Variants in CRYBG3 observed in about 807,000 individuals in gnomAD.
The protein encoded by CRYBG3 is very large A-kinase anchor protein.
Under a neutral mutation model 244.2 loss-of-function variants are expected in CRYBG3, and 127 were observed. That is an observed-to-expected ratio of 0.52 (90% CI 0.45 to 0.60). CRYBG3 has a LOEUF of 0.60. CRYBG3 is among the 20% of genes least tolerant of loss of function. The probability of loss-of-function intolerance (pLI) is 0.00; values close to 1 mark genes in which losing one functional copy is unlikely to be tolerated. For missense variants in CRYBG3, 3,325 were observed against 3,442.5 expected, an observed-to-expected ratio of 0.97 and a Z score of 0.85; for synonymous variants, 1,132 against 1,195.8, an observed-to-expected ratio of 0.95 and a Z score of 1.10.
intron 19 of CRYBG3, among the ~76,000 whole-genome samples, chr3:97,937,885 G>A (rs1451548140): frequency 2.0e-5 from 3 of 152,060 alleles, no homozygotes; most frequent in Admixed American, 2.0e-4. Context: ...TATTATTAAA[G>A]CTTACATTTT....
chr3:97,824,119 A>G lies in CRYBG3; in HGVS notation c.149+1764A>G, dbSNP rs561863902. 7.1e-4 allele frequency among the ~76,000 whole-genome samples: 108 copies of G among 152,328 alleles called. 1 individual carries two copies. Among genetic ancestry groups the G allele is most frequent in the African/African-American group, 2.5e-3 (105 of 41,576 alleles). ...TTATGTGGGTGTTTTACTGTTTTAAATGAGCTTAAATCTTTCATTTCAAGG... is the reference window on the plus strand; with the variant it reads ...TTATGTGGGTGTTTTACTGTTTTAAGTGAGCTTAAATCTTTCATTTCAAGG... On this transcript the variant is annotated intron_variant, in intron 1 of 21. Transcript: ENST00000389622.
intron 7 of CRYBG3, among the ~76,000 whole-genome samples, chr3:97,882,199 C>G (rs527549518): frequency 1.1e-4 from 13 of 114,426 alleles, no homozygotes; most frequent in Non-Finnish European, 2.3e-4. Flanking sequence ...CAGAGCAAGA[C>G]TCTGTCTAAT....
intron 1 of CRYBG3, among the ~76,000 whole-genome samples, chr3:97,835,125 A>G (rs919482614): frequency 1.3e-5 from 2 of 152,148 alleles, no homozygotes; most frequent in African/African-American, 2.4e-5. Context: ...TAATGCGTAT[A>G]TTTATATGTT....
At chr3:97,881,850 T>C (rs2039452740) in intron 7 of CRYBG3, among the ~76,000 whole-genome samples, 1 of 152,162 alleles carries the variant, frequency 6.6e-6, no homozygotes, top group Non-Finnish European at 1.5e-5. Context: ...TACACTATAC[T>C]ATAATAGTAT....
intron 1 of CRYBG3, among the ~76,000 whole-genome samples, chr3:97,827,901 G>C (rs997822249): frequency 2.0e-5 from 3 of 152,158 alleles, no homozygotes; most frequent in Admixed American, 2.0e-4. Context: ...GTAAAAGAAG[G>C]CTGCCCTTAG....
chr3:97,841,853 T>C (rs1420023201), intron 1 of CRYBG3, among the ~76,000 whole-genome samples: 1 of 152,118 alleles, frequency 6.6e-6, no homozygotes, highest in East Asian at 1.9e-4. Context: ...CCTTGGAGGA[T>C]TACCTCTGTC....
intron 18 of CRYBG3, 48 bp from the exon 19 acceptor site, chr3:97,936,737 T>A: frequency 6.3e-7 from 1 of 1,591,152 alleles, no homozygotes; most frequent in Non-Finnish European, 8.6e-7. Context: ...GATGAGGGAT[T>A]TTTTTTTGTT....
At chr3:97,912,120 T>C (rs1401090923) in intron 15 of CRYBG3, 47 bp from the exon 16 acceptor site, 1 of 1,024,474 alleles carries the variant, frequency 9.8e-7, no homozygotes, top group Non-Finnish European at 1.4e-6. Flanking sequence ...CGTGATCATC[T>C]AAGACCATTT....
At chr3:97,845,135 CAT>C (rs1381154056) in intron 2 of CRYBG3, among the ~76,000 whole-genome samples, 2 of 152,152 alleles carry the variant, frequency 1.3e-5, no homozygotes, top group Non-Finnish European at 2.9e-5. Flanking sequence ...GGTAATGTAA[CAT>C]AAATTTTATA....
In CRYBG3 at chr3:97,871,863, G is replaced by T. The variant is rs1483842702; in HGVS notation, c.669G>T (p.Glu223Asp). Residue 223 changes from glutamate (E) to aspartate (D), a missense_variant, in exon 4 of 22, where the codon GAG becomes GAT. By Grantham distance (45) the Glu-to-Asp change is conservative. This residue lies in a region of CRYBG3 where 1,526 missense variants were observed against 1,443.2 expected (regional missense o/e 1.06). Coordinates refer to ENST00000389622, the MANE Select transcript of CRYBG3 (RefSeq NM_153605.4). ...ACAGACAAATCGATGGTAAACCAGA[G>T]AAGCCTTCAGTAACATATGCAACAT... ...NLLKQIDGKP[E>D]KPSVTYATYR... 1 of 1,506,224 alleles carries T rather than the reference G, an allele frequency of 6.6e-7. No individual in the cohort carries two copies. Among genetic ancestry groups the T allele is most frequent in the Admixed American group, 2.3e-5 (1 of 43,030 alleles). The allele number at this position is 1,506,224 out of a possible 1,614,324, so 93.3% of individuals were successfully genotyped here. A position where few individuals can be genotyped will look rare whatever the true frequency, so the allele number is the denominator to read the frequency against.
chr3:97,912,391 A>AT, intron 16 of CRYBG3, 115 bp downstream of exon 16: 2 of 483,160 alleles, frequency 4.1e-6, no homozygotes, highest in South Asian at 4.4e-5. Flanking sequence ...TTCAACAGGC[A>AT]TTTTACCTGC....
intron 1 of CRYBG3, 63 bp downstream of exon 1, chr3:97,822,418 G>A: frequency 7.3e-7 from 1 of 1,368,782 alleles, no homozygotes; most frequent in Non-Finnish European, 9.5e-7. Context: ...AAGGCTCCCG[G>A]CCTGACCGCC....
chr3:97,863,304 A>G (rs1189440969), intron 2 of CRYBG3, among the ~76,000 whole-genome samples: 3 of 152,166 alleles, frequency 2.0e-5, no homozygotes, highest in Non-Finnish European at 4.4e-5. Flanking sequence ...AAAGCTTTTT[A>G]GAATCTGGAA....
At position 97,873,714 on chromosome 3, in the gene CRYBG3, G is replaced by A. The variant is rs968836651; in HGVS notation, c.2520G>A (p.Lys840=). 1 of 1,535,784 alleles carries A rather than the reference G, an allele frequency of 6.5e-7. No homozygotes were observed. Among genetic ancestry groups the A allele is most frequent in the African/African-American group, 1.4e-5 (1 of 73,018 alleles). The change falls in exon 4 of 22, where the codon AAG becomes AAA. Residue 840 remains lysine (K), a synonymous_variant. Transcript: ENST00000389622. ...SGRGKTISLS[K]VSLSKVEPRN... is the part of the protein sequence containing the mutation. The stretch of plus-strand genomic sequence containing the variant: ...GAGGAAAAACTATATCCTTGTCCAA[G>A]GTATCTCTTTCAAAAGTGGAGCCCA...
chr3:97,877,211 C>G lies in CRYBG3; in HGVS notation c.6017C>G (p.Pro2006Arg), dbSNP rs1217512881. The change falls in exon 4 of 22, where the codon CCC becomes CGC. Residue 2006 changes from proline (P) to arginine (R), a missense_variant. By Grantham distance (103) the Pro-to-Arg change is moderately radical (BLOSUM62 -2). Coordinates refer to ENST00000389622, the MANE Select transcript of CRYBG3 (RefSeq NM_153605.4). ...NSSFTILYEEPLQEEDKYASA... is the reference protein window; with the variant it reads ...NSSFTILYEERLQEEDKYASA... ...TCCTTTACTATATTATACGAAGAGC[C>G]CCTTCAAGAGGAGGACAAGTATGCT... The G allele has an allele frequency of 1.2e-6, 2 of 1,613,754 alleles. No homozygotes were observed. Among genetic ancestry groups the G allele is most frequent in the Non-Finnish European group, 8.5e-7 (1 of 1,179,860 alleles).
intron 1 of CRYBG3, among the ~76,000 whole-genome samples, chr3:97,827,090 C>T (rs2038587892): frequency 6.6e-6 from 1 of 152,238 alleles, no homozygotes; most frequent in Non-Finnish European, 1.5e-5. Context: ...TCTTGCTTTC[C>T]TCCTTGACCC....
In CRYBG3 at chr3:97,943,323, A is replaced by G. The variant is rs2040274370; in HGVS notation, c.*9A>G. 1 of 1,465,034 alleles carries G rather than the reference A, an allele frequency of 6.8e-7. No individual in the cohort carries two copies. Among genetic ancestry groups the G allele is most frequent in the Non-Finnish European group, 9.6e-7 (1 of 1,047,072 alleles). 90.8% of individuals were successfully genotyped at this position (1,465,034 alleles called of 1,614,324 possible). A position where few individuals can be genotyped will look rare whatever the true frequency, so the allele number is the denominator to read the frequency against. On this transcript the variant is annotated 3_prime_UTR_variant, in exon 22 of 22. Coordinates refer to ENST00000389622, the MANE Select transcript of CRYBG3 (RefSeq NM_153605.4). ...ACATTGAAATATTGTGAGAGAATCA[A>G]CATCCCTAGAAAGATCCCTAGAAAG...
intron 3 of CRYBG3, 24 bp downstream of exon 3, chr3:97,864,671 C>A: frequency 6.8e-7 from 1 of 1,475,458 alleles, no homozygotes; most frequent in Non-Finnish European, 9.0e-7. Context: ...TTCATTGAAC[C>A]AAAAAAAATT....
chr3:97,919,016 A>G (rs1345097060), intron 17 of CRYBG3, among the ~76,000 whole-genome samples: 1 of 152,218 alleles, frequency 6.6e-6, no homozygotes, highest in Non-Finnish European at 1.5e-5. Flanking sequence ...GACAAAGTAT[A>G]TTCAAACAAT....
Sources: allele counts gnomAD v4.1 joint callset (sites outside exome capture counted in the v4.1 genomes callset), GRCh38; gene constraint gnomAD v4.1.1; regional missense constraint gnomAD v4.1.1; transcripts MANE v1.5; gene names NCBI Gene and HGNC (gene_info 2026-07-23, HGNC 2026-07-21).